The following CDK6 variants were observed in gnomAD, a reference collection of about 807,000 sequenced individuals.
CDK6 encodes cyclin dependent kinase 6, also known as cyclin-dependent kinase 6.
In CDK6, 6 loss-of-function variants were observed where a neutral mutation model predicts 37.1. The observed-to-expected ratio is 0.16, with a 90% CI of 0.09 to 0.32. The LOEUF (loss-of-function observed/expected upper bound fraction) is 0.32, where lower values mean the gene tolerates loss of function less well. CDK6 is among the 10% of genes least tolerant of loss of function. The pLI is 1.00. For missense variants in CDK6, 224 were observed against 418.9 expected, an observed-to-expected ratio of 0.53 and a Z score of 4.06; for synonymous variants, 160 against 161.3, an observed-to-expected ratio of 0.99 and a Z score of 0.06.
At chr7:92,795,538 C>T (rs1800387719) in intron 2 of CDK6, among the ~76,000 whole-genome samples, 1 of 151,960 alleles carries the variant, frequency 6.6e-6, no homozygotes, top group African/African-American at 2.4e-5. Flanking sequence ...TCCAAGGAAT[C>T]ACAAAAAAGA....
chr7:92,816,859 A>G (rs1235470780), intron 2 of CDK6, among the ~76,000 whole-genome samples: 2 of 152,060 alleles, frequency 1.3e-5, no homozygotes, highest in Non-Finnish European at 2.9e-5. Context: ...AATATCAGGA[A>G]TAAAAGAGTG....
rs573689758 is a variant in CDK6 at position 92,674,961 on chromosome 7, A to G, written c.538-3426T>C. Among the ~76,000 whole-genome samples the G allele has an allele frequency of 4.6e-5, 7 of 152,200 alleles. No individual in the cohort carries two copies. In the East Asian group the frequency reaches 1.4e-3, roughly 29 times the overall value. On this transcript the variant is annotated intron_variant, in intron 4 of 7. Coordinates refer to ENST00000424848, the MANE Select transcript of CDK6 (RefSeq NM_001145306.2). ...AGTCTCGTGTCTCAGCCTCCCAGGT[A>G]GCTGGGACTACAGGCACACGCCACC... is the stretch of plus-strand genomic sequence containing the variant.
At chr7:92,663,494 T>C (rs550001572) in intron 5 of CDK6, among the ~76,000 whole-genome samples, 67 of 151,494 alleles carry the variant, frequency 4.4e-4, no homozygotes, top group South Asian at 1.3e-3. Flanking sequence ...GAGCTCAGGA[T>C]TTCGAGACCA....
At chr7:92,779,510 T>C (rs1799933182) in intron 2 of CDK6, among the ~76,000 whole-genome samples, 2 of 152,254 alleles carry the variant, frequency 1.3e-5, no homozygotes, top group Admixed American at 6.5e-5. Flanking sequence ...TAATCCTTTT[T>C]AATTTTTAAG....
intron 4 of CDK6, among the ~76,000 whole-genome samples, chr7:92,694,603 T>C (rs1158138928): frequency 3.9e-5 from 6 of 152,206 alleles, no homozygotes; most frequent in Non-Finnish European, 5.9e-5. Context: ...AAGCCACATA[T>C]CACTTATCAA....
At chr7:92,693,136 A>G (rs1797633831) in intron 4 of CDK6, among the ~76,000 whole-genome samples, 1 of 152,224 alleles carries the variant, frequency 6.6e-6, no homozygotes, top group Non-Finnish European at 1.5e-5. Context: ...TGTTTTGCAC[A>G]GGCCCAAACT....
At chr7:92,803,240 T>C (rs1272190187) in intron 2 of CDK6, among the ~76,000 whole-genome samples, 2 of 152,174 alleles carry the variant, frequency 1.3e-5, no homozygotes, top group Non-Finnish European at 2.9e-5. Flanking sequence ...AGTCACAGGT[T>C]TTGCTTACAA....
intron 3 of CDK6, among the ~76,000 whole-genome samples, chr7:92,770,608 G>A (rs1799689241): frequency 6.6e-6 from 1 of 152,072 alleles, no homozygotes; most frequent in African/African-American, 2.4e-5. Context: ...TTCAAAAACT[G>A]TTAGGTGATA....
intron 5 of CDK6, among the ~76,000 whole-genome samples, chr7:92,644,807 CTTT>C (rs957125675): frequency 6.6e-6 from 1 of 152,236 alleles, no homozygotes; most frequent in African/African-American, 2.4e-5. Flanking sequence ...GCCTACTCTT[CTTT>C]GTCTGCCAGT....
At chr7:92,755,904 C>G (rs1264344842) in intron 3 of CDK6, among the ~76,000 whole-genome samples, 1 of 152,116 alleles carries the variant, frequency 6.6e-6, no homozygotes, top group Admixed American at 6.5e-5. Flanking sequence ...GCATGGGTAT[C>G]TCTTTCACTC....
At chr7:92,829,905 A>G (rs144868763) in intron 2 of CDK6, among the ~76,000 whole-genome samples, 29 of 152,382 alleles carry the variant, frequency 1.9e-4, no homozygotes, top group African/African-American at 6.5e-4. Context: ...AAGTTCTACA[A>G]GTGCGGAGAC....
intron 4 of CDK6, among the ~76,000 whole-genome samples, chr7:92,721,765 A>G (rs1222630466): frequency 1.3e-5 from 2 of 152,216 alleles, no homozygotes; most frequent in Non-Finnish European, 2.9e-5. Flanking sequence ...ACTGTCCTAA[A>G]TTAATTTCTA....
intron 4 of CDK6, among the ~76,000 whole-genome samples, chr7:92,708,322 T>C (rs930390296): frequency 6.6e-6 from 1 of 152,230 alleles, no homozygotes; most frequent in African/African-American, 2.4e-5. Flanking sequence ...AGCTTCAAAG[T>C]GCATCATCAT....
rs564774093 is a variant in CDK6 at position 92,829,760 on chromosome 7, C to T, written c.233+3331G>A. ...ATGTTGCCTACTCAATCAGGAAATT[C>T]CTGGTAACCGAATTATCAGAAATAT... On this transcript the variant is annotated intron_variant, in intron 2 of 7. Transcript: ENST00000424848. Among the ~76,000 whole-genome samples, 14 of 152,262 alleles carry T rather than the reference C, an allele frequency of 9.2e-5. No homozygotes were observed. The East Asian group carries it at 2.7e-3, about 29-fold the overall frequency.
chr7:92,779,075 T>C (rs1456667775), intron 2 of CDK6, among the ~76,000 whole-genome samples: 1 of 152,030 alleles, frequency 6.6e-6, no homozygotes, highest in Non-Finnish European at 1.5e-5. Flanking sequence ...AGAAGTTACC[T>C]AACAACCCTG....
intron 5 of CDK6, among the ~76,000 whole-genome samples, chr7:92,643,038 G>C (rs1196673095): frequency 1.3e-5 from 2 of 152,010 alleles, no homozygotes; most frequent in Non-Finnish European, 2.9e-5. Flanking sequence ...GGGACTATAG[G>C]CATGTACCAC....
At position 92,610,804 on chromosome 7, in the gene CDK6, G is replaced by C. The variant is rs1482371088; in HGVS notation, c.*4336C>G. 2 of 228,132 alleles carry C rather than the reference G, an allele frequency of 8.8e-6. No homozygotes were observed. Among genetic ancestry groups the C allele is most frequent in the African/African-American group, 4.4e-5 (2 of 45,094 alleles). The allele number at this position is 228,132 out of a possible 1,614,324, so 14.1% of individuals were successfully genotyped here. On this transcript the variant is annotated 3_prime_UTR_variant, in exon 8 of 8. Transcript: ENST00000424848. ...AATATACTTAATGGACATGATAAAT[G>C]GTTTTGGGTAAGGTTCACAATTTTT...
chr7:92,720,101 G>A (rs944883115), intron 4 of CDK6, among the ~76,000 whole-genome samples: 1 of 152,150 alleles, frequency 6.6e-6, no homozygotes, highest in East Asian at 1.9e-4. Flanking sequence ...CATAAAAAAA[G>A]AAAACCAGGA....
At chr7:92,684,654 C>A (rs1203505401) in intron 4 of CDK6, among the ~76,000 whole-genome samples, 4 of 152,192 alleles carry the variant, frequency 2.6e-5, no homozygotes, top group Admixed American at 2.6e-4. Flanking sequence ...CACCATCTCA[C>A]CAGCTGCCCA....
Sources: allele counts gnomAD v4.1 joint callset (sites outside exome capture counted in the v4.1 genomes callset), GRCh38; gene constraint gnomAD v4.1.1; transcripts MANE v1.5; gene names NCBI Gene and HGNC (gene_info 2026-07-23, HGNC 2026-07-21).